GSK3B: variants seen among roughly 807,000 people sequenced by gnomAD.
GSK3B encodes the protein glycogen synthase kinase-3 beta.
Under a neutral mutation model 56.4 loss-of-function variants are expected in GSK3B, and 15 were observed. That is an observed-to-expected ratio of 0.27 (90% confidence interval 0.18 to 0.41). GSK3B has a LOEUF of 0.41. Among genes scored for constraint, GSK3B ranks in the 10% least tolerant of loss-of-function variants. The pLI, the probability that GSK3B is intolerant of heterozygous loss-of-function variation, is 1.00. For missense variants in GSK3B, 300 were observed against 513.4 expected, an observed-to-expected ratio of 0.58 and a Z score of 4.02; for synonymous variants, 181 against 188.9, an observed-to-expected ratio of 0.96 and a Z score of 0.34.
intron 1 of GSK3B, among the ~76,000 whole-genome samples, chr3:120,091,893 C>T (rs549363171): frequency 3.9e-5 from 6 of 152,238 alleles, no homozygotes; most frequent in Non-Finnish European, 8.8e-5. Context: ...CTGTTTCAGG[C>T]TAGTTCCCAA....
At chr3:120,007,610 A>C (rs1213072758) in intron 1 of GSK3B, among the ~76,000 whole-genome samples, 1 of 152,238 alleles carries the variant, frequency 6.6e-6, no homozygotes, top group Non-Finnish European at 1.5e-5. Flanking sequence ...AGGCTGGTTC[A>C]ACATATGCAA....
intron 1 of GSK3B, among the ~76,000 whole-genome samples, chr3:120,078,484 T>A (rs1227486227): frequency 6.6e-6 from 1 of 151,772 alleles, no homozygotes; most frequent in East Asian, 1.9e-4. Context: ...TGTTTCTAAC[T>A]AAGTTCTCCT....
intron 1 of GSK3B, among the ~76,000 whole-genome samples, chr3:120,076,698 C>T (rs1457905783): frequency 1.3e-5 from 2 of 150,972 alleles, no homozygotes; most frequent in Non-Finnish European, 2.9e-5. Context: ...CCTGTAGTCC[C>T]AGCTACACGG....
intron 2 of GSK3B, among the ~76,000 whole-genome samples, chr3:119,992,217 A>G (rs564529925): frequency 6.6e-6 from 1 of 152,258 alleles, no homozygotes; most frequent in South Asian, 2.1e-4. Flanking sequence ...ATTAAAACAT[A>G]CTATAAAGTC....
At chr3:120,058,445 C>T (rs917932845) in intron 1 of GSK3B, among the ~76,000 whole-genome samples, 5 of 152,046 alleles carry the variant, frequency 3.3e-5, no homozygotes, top group African/African-American at 7.2e-5. Context: ...ATGTCACTAG[C>T]GGTAATTAGT....
intron 10 of GSK3B, among the ~76,000 whole-genome samples, chr3:119,835,546 C>T (rs937935433): frequency 6.6e-6 from 1 of 152,016 alleles, no homozygotes; most frequent in Non-Finnish European, 1.5e-5. Context: ...GTCTCTCTGC[C>T]CATTCATATA....
chr3:119,981,809 G>A (rs781393402), intron 2 of GSK3B, among the ~76,000 whole-genome samples: 1 of 152,202 alleles, frequency 6.6e-6, no homozygotes, highest in Non-Finnish European at 1.5e-5. Context: ...AGACATAAAC[G>A]TCCCTATCTG....
chr3:120,079,100 C>A (rs574950199), intron 1 of GSK3B, among the ~76,000 whole-genome samples: 1 of 150,960 alleles, frequency 6.6e-6, no homozygotes, highest in African/African-American at 2.4e-5. Context: ...CACCACCATG[C>A]CCAGCTAATT....
At chr3:120,010,065 A>G (rs2057764777) in intron 1 of GSK3B, among the ~76,000 whole-genome samples, 1 of 152,156 alleles carries the variant, frequency 6.6e-6, no homozygotes, top group Admixed American at 6.5e-5. Context: ...CAGCACCACC[A>G]TTTTTATTTA....
intron 7 of GSK3B, among the ~76,000 whole-genome samples, chr3:119,896,265 G>A (rs998383634): frequency 9.2e-5 from 14 of 151,794 alleles, no homozygotes; most frequent in African/African-American, 2.7e-4. Context: ...TTTTGATTAC[G>A]TAAACTATTG....
At chr3:120,087,694 T>G (rs1576320532) in intron 1 of GSK3B, among the ~76,000 whole-genome samples, 1 of 152,142 alleles carries the variant, frequency 6.6e-6, no homozygotes, top group East Asian at 1.9e-4. Context: ...CAAAACTAGT[T>G]TCAAGACAAA....
At position 120,089,532 on chromosome 3, in the gene GSK3B, C is replaced by T. The variant is rs375748772; in HGVS notation, c.88+3815G>A. 5.3e-5 allele frequency among the ~76,000 whole-genome samples: 8 copies of T among 152,284 alleles called. No homozygotes were observed. The Middle Eastern group carries it at 0.01, about 194-fold the overall frequency. On this transcript the variant is annotated intron_variant, in intron 1 of 10. Transcript: ENST00000264235. ...CTACTCTTTGGCTTTAATCACCATA[C>T]GACGTAATACTGCAGAATAATATGC...
At chr3:119,898,685 G>T (rs954760693) in intron 7 of GSK3B, among the ~76,000 whole-genome samples, 1 of 152,070 alleles carries the variant, frequency 6.6e-6, no homozygotes, top group African/African-American at 2.4e-5. Flanking sequence ...TGTATATACG[G>T]TAATACAGTA....
intron 9 of GSK3B, among the ~76,000 whole-genome samples, chr3:119,846,786 G>A (rs1274544175): frequency 6.6e-6 from 1 of 152,136 alleles, no homozygotes; most frequent in Non-Finnish European, 1.5e-5. Flanking sequence ...CCATTACTGG[G>A]TATATACCCA....
chr3:120,029,233 A>C, intron 1 of GSK3B: 1 of 707,724 alleles, frequency 1.4e-6, no homozygotes, highest in Admixed American at 1.9e-5. Context: ...TGGCCACCAG[A>C]CTATGACAGG....
intron 9 of GSK3B, among the ~76,000 whole-genome samples, chr3:119,847,807 T>C (rs1271380780): frequency 1.3e-5 from 2 of 152,218 alleles, no homozygotes; most frequent in Admixed American, 1.3e-4. Context: ...AAACATATTC[T>C]TTATGTTTTT....
intron 1 of GSK3B, among the ~76,000 whole-genome samples, chr3:120,086,884 C>A (rs146543782): frequency 6.6e-6 from 1 of 152,242 alleles, no homozygotes; most frequent in East Asian, 1.9e-4. Flanking sequence ...AACCTACATA[C>A]CCTACATACA....
intron 3 of GSK3B, among the ~76,000 whole-genome samples, chr3:119,945,003 GA>G (rs1383056543): frequency 6.6e-6 from 1 of 152,092 alleles, no homozygotes; most frequent in East Asian, 1.9e-4. Flanking sequence ...CTCAACCCTA[GA>G]AAAGAATCCA....
At chr3:119,930,078 C>CACACA (rs1426313294) in intron 3 of GSK3B, among the ~76,000 whole-genome samples, 2 of 105,674 alleles carry the variant, frequency 1.9e-5, no homozygotes, top group African/African-American at 6.4e-5. Flanking sequence ...GATTCTGTCT[C>CACACA]CTACACACAC....
Sources: gnomAD v4.1 joint callset for allele counts (sites outside exome capture counted in the v4.1 genomes callset) on GRCh38, gnomAD v4.1.1 for gene constraint, MANE v1.5 for transcripts, NCBI Gene and HGNC (gene_info 2026-07-23, HGNC 2026-07-21) for gene names.